HUWE1: variants seen among roughly 807,000 people sequenced by gnomAD.
The protein encoded by HUWE1 is HECT, UBA and WWE domain containing E3 ubiquitin protein ligase 1.
Under a neutral mutation model 299.4 loss-of-function variants are expected in HUWE1, and 18 were observed. The observed-to-expected ratio is 0.06, with a 90% CI of 0.04 to 0.09. HUWE1 has a LOEUF of 0.09. Among genes scored for constraint, HUWE1 ranks in the 10% least tolerant of loss-of-function variants. The pLI is 1.00. For synonymous variants in HUWE1, 1,317 were observed against 1,286.1 expected, an observed-to-expected ratio of 1.02 and a Z score of -0.51; for missense variants, 1,832 against 3,462.3, an observed-to-expected ratio of 0.53 and a Z score of 11.82.
At chrX:53,546,314 G>T in intron 70 of HUWE1, 122 bp downstream of exon 70, 3 of 619,155 alleles carry the variant, frequency 4.8e-6, no homozygotes, top group African/African-American at 2.2e-5. Flanking sequence ...GAGCATGGAG[G>T]CTGTGTTATA....
chrX:53,631,362 A>G, intron 11 of HUWE1, 52 bp downstream of exon 11: 1 of 940,073 alleles, frequency 1.1e-6, no homozygotes, highest in Non-Finnish European at 1.5e-6. Flanking sequence ...CATATCATTA[A>G]TCTATTTAGA....
chrX:53,664,713 TTA>T (rs2069165826), intron 3 of HUWE1, among the ~76,000 whole-genome samples: 1 of 111,910 alleles, frequency 8.9e-6, no homozygotes, highest in Non-Finnish European at 1.9e-5. Flanking sequence ...TCCTTTTGCC[TTA>T]TAGTCTCTGA....
At chrX:53,627,543 A>C in intron 16 of HUWE1, 28 bp from the exon 17 acceptor site, 2 of 930,488 alleles carry the variant, frequency 2.1e-6, no homozygotes, top group Non-Finnish European at 3.1e-6. Context: ...GTTATAAGAA[A>C]ATCAAGTATA....
At chrX:53,656,177 C>A (rs1402046633) in intron 3 of HUWE1, among the ~76,000 whole-genome samples, 1 of 108,818 alleles carries the variant, frequency 9.2e-6, no homozygotes, top group Non-Finnish European at 1.9e-5. Flanking sequence ...AGATGGAGAC[C>A]ATCCTGGCTA....
chrX:53,582,469 C>G (rs916382344), intron 42 of HUWE1, among the ~76,000 whole-genome samples: 4 of 112,222 alleles, frequency 3.6e-5, no homozygotes, highest in Non-Finnish European at 7.5e-5. Flanking sequence ...AAAACTGATA[C>G]CACTTTTCTG....
At chrX:53,649,758 G>A (rs953699264) in intron 4 of HUWE1, among the ~76,000 whole-genome samples, 1 of 111,979 alleles carries the variant, frequency 8.9e-6, no homozygotes. Context: ...AGCATCAAAC[G>A]TGTTACTTCT....
At chrX:53,557,567 G>A in intron 59 of HUWE1, 140 bp from the exon 60 acceptor site, 1 of 527,456 alleles carries the variant, frequency 1.9e-6, no homozygotes, top group Non-Finnish European at 3.4e-6. Flanking sequence ...TGTGACCAAA[G>A]GAAGGTGATC....
intron 12 of HUWE1, 26 bp from the exon 13 acceptor site, chrX:53,629,642 A>C (rs1557021058): frequency 5.0e-6 from 5 of 1,006,904 alleles, no homozygotes; most frequent in Non-Finnish European, 5.6e-6. Context: ...CAAACACTTT[A>C]GGCAAGAAGG....
At chrX:53,631,931 C>T in intron 9 of HUWE1, 2 of 337,007 alleles carry the variant, frequency 5.9e-6, no homozygotes, top group South Asian at 3.8e-5. Flanking sequence ...ATAGCAAAGA[C>T]CAAATTCATG....
intron 3 of HUWE1, among the ~76,000 whole-genome samples, chrX:53,656,147 G>A (rs782803888): frequency 4.6e-5 from 5 of 108,099 alleles, no homozygotes; most frequent in Non-Finnish European, 7.7e-5. Context: ...AGGCTGAGGC[G>A]GGCGGATCAT....
At chrX:53,631,907 C>A (rs369270168) in intron 9 of HUWE1, 10 of 358,674 alleles carry the variant, frequency 2.8e-5, no homozygotes, top group African/African-American at 1.8e-4. Context: ...GACTTAATAT[C>A]CATAGCAGTA....
chrX:53,673,008 C>T (rs2069635011), intron 3 of HUWE1, among the ~76,000 whole-genome samples: 1 of 111,586 alleles, frequency 9.0e-6, no homozygotes, highest in Non-Finnish European at 1.9e-5. Flanking sequence ...TTCAGGAAAA[C>T]GTTTTCAAAC....
Position 53,560,424 on chromosome X carries a change from G to A in HUWE1, c.7508-8C>T. 8.4e-7 allele frequency: 1 copy of A among 1,196,224 alleles called. No individual in the cohort carries two copies. The highest frequency in any genetic ancestry group is 1.1e-6 in the Non-Finnish European group (1 of 881,962). ...GGGATGGGGGGATGTCTGCTGCAAGGACAATATGTAAAAGGGTCAGTGTCA... is the reference window on the plus strand; with the variant it reads ...GGGATGGGGGGATGTCTGCTGCAAGAACAATATGTAAAAGGGTCAGTGTCA... On this transcript the variant is annotated splice_region_variant and splice_polypyrimidine_tract_variant and intron_variant, in intron 55 of 83. Coordinates refer to ENST00000262854, the MANE Select transcript of HUWE1 (RefSeq NM_031407.7).
In HUWE1 at chrX:53,532,345, TAAAC is replaced by T. The variant is rs1288003053; in HGVS notation, c.*960_*963del. ...CTCGCTTATTAAAATTTATTAGAAA[TAAAC>T]AAACATTAATGAAATAAAAATCTAA... On this transcript the variant is annotated 3_prime_UTR_variant, in exon 84 of 84. Coordinates refer to ENST00000262854, the MANE Select transcript of HUWE1 (RefSeq NM_031407.7). 3.6e-5 allele frequency: 4 copies of T among 111,089 alleles called. No individual in the cohort carries two copies. The highest frequency in any genetic ancestry group is 9.6e-5 in the Admixed American group (1 of 10,419). The allele number at this position is 111,089 out of a possible 1,213,427, so 9.2% of individuals were successfully genotyped here. A position where few individuals can be genotyped will look rare whatever the true frequency, so the allele number is the denominator to read the frequency against.
rs1556930459 is a variant in HUWE1, at chrX:53,552,752, C to T, written c.8636G>A (p.Ser2879Asn). The T allele has an allele frequency of 5.0e-6, 6 of 1,210,250 alleles. No individual in the cohort carries two copies. In the Admixed American group the frequency reaches 6.6e-5, roughly 13 times the overall value. ...EAVGDTSAAG[S>N]SEQPRAGSST... ...GCTGCCTGCTCTGGGCTGCTCAGAA[C>T]TGCCAGCTGCTGAAGTGTCACCCAC... The change falls in exon 62 of 84, where the codon AGT becomes AAT. Residue 2879 changes from serine to asparagine, a missense_variant. Physicochemically the swap from Ser to Asn is conservative, Grantham distance 46. This residue lies in a region of HUWE1 where 143 missense variants were observed against 148.1 expected (regional missense o/e 0.97). Coordinates refer to ENST00000262854, the MANE Select transcript of HUWE1 (RefSeq NM_031407.7).
intron 7 of HUWE1, among the ~76,000 whole-genome samples, chrX:53,643,582 C>G (rs782631976): frequency 9.0e-6 from 1 of 111,025 alleles, no homozygotes; most frequent in African/African-American, 3.3e-5. Flanking sequence ...AAACTCCTGA[C>G]CTCAGGTGAT....
chrX:53,533,962 G>A (rs1556909044), intron 83 of HUWE1, 45 bp downstream of exon 83: 1 of 1,144,283 alleles, frequency 8.7e-7, no homozygotes, highest in East Asian at 3.0e-5. Flanking sequence ...AAGTATGCAA[G>A]CTCAACCTAA....
intron 30 of HUWE1, 21 bp from the exon 31 acceptor site, chrX:53,594,642 A>C (rs781952295): frequency 8.3e-7 from 1 of 1,206,398 alleles, no homozygotes; most frequent in Non-Finnish European, 1.1e-6. Context: ...AAAAAAAGGC[A>C]AAACTTTAAC....
chrX:53,648,235 T>A lies in HUWE1; in HGVS notation c.121A>T (p.Ile41Phe). 8.3e-7 allele frequency: 1 copy of A among 1,201,721 alleles called. No individual in the cohort carries two copies. The highest frequency in any genetic ancestry group is 1.1e-6 in the Non-Finnish European group (1 of 886,303). ...DEQLLLELQQIKTWNIGKCEL... is the reference protein window; with the variant it reads ...DEQLLLELQQFKTWNIGKCEL... ...ACCTTTCCAATGTTCCATGTTTTGA[T>A]CTGCTGCAGTTCCAAGAGAAGTTGC... Residue 41 changes from isoleucine (I) to phenylalanine (F), a missense_variant, in exon 5 of 84, where the codon ATC (isoleucine) becomes TTC (phenylalanine). Coordinates refer to ENST00000262854, the MANE Select transcript of HUWE1 (RefSeq NM_031407.7).
Sources: allele counts gnomAD v4.1 joint callset (sites outside exome capture counted in the v4.1 genomes callset), GRCh38; gene constraint gnomAD v4.1.1; regional missense constraint gnomAD v4.1.1; transcripts MANE v1.5; gene names NCBI Gene and HGNC (gene_info 2026-07-23, HGNC 2026-07-21).